ZNF732: variants seen among roughly 807,000 people sequenced by gnomAD.
The protein encoded by ZNF732 is zinc finger protein 732.
ZNF732 carries 12 observed loss-of-function variants against 11.5 expected under a neutral mutation model. The observed-to-expected ratio is 1.05, with a 90% confidence interval of 0.67 to 1.70. ZNF732 has a LOEUF of 1.70. Among genes scored for constraint, ZNF732 ranks in the 40% most tolerant of loss-of-function variants. The pLI is 0.00. For missense variants in ZNF732, 702 were observed against 676.9 expected, an observed-to-expected ratio of 1.04 and a Z score of -0.41; for synonymous variants, 231 against 236.5, an observed-to-expected ratio of 0.98 and a Z score of 0.21.
chr4:285,623 C>A lies in ZNF732; in HGVS notation c.226+9815G>T, dbSNP rs1719715262. Among the ~76,000 whole-genome samples the A allele has an allele frequency of 2.0e-5, 3 of 152,168 alleles. No individual in the cohort carries two copies. The South Asian group carries it at 6.2e-4, about 32-fold the overall frequency. ...CCTTTGAGTACTCAGTCCCCTCTCA[C>A]CCCCGGAGGATACCTAGAATCACAA... On this transcript the variant is annotated intron_variant, in intron 3 of 3. Transcript: ENST00000419098.
chr4:288,459 G>A (rs2108657034), intron 3 of ZNF732, among the ~76,000 whole-genome samples: 1 of 152,316 alleles, frequency 6.6e-6, no homozygotes, highest in Admixed American at 6.5e-5. Context: ...TTTTTCCCAT[G>A]TGGATACAGA....
chr4:289,456 G>A (rs1719796569), intron 3 of ZNF732, among the ~76,000 whole-genome samples: 1 of 152,214 alleles, frequency 6.6e-6, no homozygotes, highest in African/African-American at 2.4e-5. Context: ...TGCTTGAATT[G>A]TTATGTGCCA....
At chr4:294,023 C>T (rs1719897765) in intron 3 of ZNF732, among the ~76,000 whole-genome samples, 1 of 152,096 alleles carries the variant, frequency 6.6e-6, no homozygotes, top group Non-Finnish European at 1.5e-5. Context: ...TTTTTGGAGA[C>T]AGAGTTTTGC....
chr4:284,502 C>T (rs942319340), intron 3 of ZNF732, among the ~76,000 whole-genome samples: 7 of 151,796 alleles, frequency 4.6e-5, no homozygotes, highest in African/African-American at 1.7e-4. Context: ...TCTTAAATAA[C>T]TTGAAAAACA....
At chr4:299,439 ATATATATATATACACATATGTG>A (rs1720047363) in intron 1 of ZNF732, among the ~76,000 whole-genome samples, 4 of 45,830 alleles carry the variant, frequency 8.7e-5, no homozygotes, top group South Asian at 1.4e-3. Context: ...ATATGTGTAT[ATATATATATATACACATATGTG>A]TATATATATA....
intron 3 of ZNF732, among the ~76,000 whole-genome samples, chr4:288,298 T>G (rs545696553): frequency 6.6e-6 from 1 of 152,356 alleles, no homozygotes; most frequent in Admixed American, 6.5e-5. Context: ...TGTTTGATGT[T>G]ATATGTAAGA....
At chr4:305,057 C>T (rs1720202433) in intron 1 of ZNF732, among the ~76,000 whole-genome samples, 2 of 152,224 alleles carry the variant, frequency 1.3e-5, no homozygotes, top group Admixed American at 1.3e-4. Context: ...CGATGAGCTC[C>T]TCCTCACCCC....
chr4:279,261 A>G (rs1342816261), intron 3 of ZNF732, among the ~76,000 whole-genome samples: 1 of 152,048 alleles, frequency 6.6e-6, no homozygotes, highest in African/African-American at 2.4e-5. Context: ...ACACGGTGAA[A>G]CCTTGTCTCT....
At chr4:304,450 C>A (rs1057460501) in intron 1 of ZNF732, among the ~76,000 whole-genome samples, 3 of 152,118 alleles carry the variant, frequency 2.0e-5, no homozygotes, top group African/African-American at 4.8e-5. Flanking sequence ...AGAAAACGTG[C>A]GGAGTTTGCT....
chr4:304,775 G>A lies in ZNF732; in HGVS notation c.3+533C>T, dbSNP rs186050739. Among the ~76,000 whole-genome samples, 115 of 152,362 alleles carry A rather than the reference G, an allele frequency of 7.5e-4. 1 individual carries two copies. Among genetic ancestry groups the A allele is most frequent in the African/African-American group, 2.5e-3 (105 of 41,590 alleles). On this transcript the variant is annotated intron_variant, in intron 1 of 3. Coordinates refer to ENST00000419098, the MANE Select transcript of ZNF732 (RefSeq NM_001137608.3). ...CAGCCACGCGGAGGAGGCGCACAGG[G>A]CAAGGGGACTGGTGGGCAAGTTGGA...
chr4:294,351 C>G (rs1719903102), intron 3 of ZNF732, among the ~76,000 whole-genome samples: 1 of 152,186 alleles, frequency 6.6e-6, no homozygotes, highest in Non-Finnish European at 1.5e-5. Flanking sequence ...TTCCAAGAAT[C>G]TATCAACAAT....
At chr4:296,222 A>G in intron 1 of ZNF732, 67 bp from the exon 2 acceptor site, 1 of 1,573,172 alleles carries the variant, frequency 6.4e-7, no homozygotes. Flanking sequence ...AGTTAAGAGA[A>G]CTAGTTCTGA....
chr4:296,230 T>C, intron 1 of ZNF732, 75 bp from the exon 2 acceptor site: 1 of 1,551,018 alleles, frequency 6.4e-7, no homozygotes, highest in Non-Finnish European at 8.7e-7. Flanking sequence ...GAACTAGTTC[T>C]GACATGTGAC....
chr4:303,864 G>T (rs1312543749), intron 1 of ZNF732, among the ~76,000 whole-genome samples: 1 of 152,144 alleles, frequency 6.6e-6, no homozygotes, highest in Admixed American at 6.6e-5. Context: ...AAAAGCAGAA[G>T]AGAGAAAGGA....
chr4:285,582 G>C (rs560501150), intron 3 of ZNF732, among the ~76,000 whole-genome samples: 3 of 152,248 alleles, frequency 2.0e-5, no homozygotes, highest in South Asian at 4.1e-4. Flanking sequence ...ATAGCAAAAG[G>C]AGTCAGAACT....
chr4:304,205 T>C (rs893183136), intron 1 of ZNF732, among the ~76,000 whole-genome samples: 9 of 152,190 alleles, frequency 5.9e-5, no homozygotes, highest in Non-Finnish European at 8.8e-5. Flanking sequence ...GAATGGCCAG[T>C]GAGCGTCCTC....
rs891228360 is a variant in ZNF732 at position 305,444 on chromosome 4, C to G, written c.-134G>C. 3.8e-6 allele frequency: 5 copies of G among 1,312,960 alleles called. 1 individual carries two copies. In the South Asian group the frequency reaches 5.2e-5, roughly 14 times the overall value. The allele number at this position is 1,312,960 out of a possible 1,614,324, so 81.3% of individuals were successfully genotyped here. A position where few individuals can be genotyped will look rare whatever the true frequency, so the allele number is the denominator to read the frequency against. On this transcript the variant is annotated 5_prime_UTR_variant, in exon 1 of 4. Coordinates refer to ENST00000419098, the MANE Select transcript of ZNF732 (RefSeq NM_001137608.3). ...AGGGGTGAAAGCACGGCCGTGGAGA[C>G]CCTAACCGAGCTCACGCTGGCGCAA...
At position 271,237 on chromosome 4, in the gene ZNF732, T is replaced by TAG; in HGVS notation, c.1619_1620insCT (p.Arg540SerfsTer7). The TAG allele has an allele frequency of 2.6e-6, 4 of 1,565,272 alleles. No individual in the cohort carries two copies. In the African/African-American group the frequency reaches 5.4e-5, roughly 21 times the overall value. On this transcript the variant is annotated frameshift_variant, in exon 4 of 4. Coordinates refer to ENST00000419098, the MANE Select transcript of ZNF732 (RefSeq NM_001137608.3). LOFTEE classifies it low-confidence loss of function (END_TRUNC). ...TATATTTATTCAGGACTCTGGAACG[T>TAG]CTAAATGCTTTGCCACACTCTTCAC...
Position 305,415 on chromosome 4 carries a change from C to T in ZNF732, c.-105G>A, listed in dbSNP as rs573755305. 1,175 of 1,526,298 alleles carry T rather than the reference C, an allele frequency of 7.7e-4. No homozygotes were observed. Among genetic ancestry groups the T allele is most frequent in the Non-Finnish European group, 9.5e-4 (1,059 of 1,117,670 alleles). The allele number at this position is 1,526,298 out of a possible 1,614,324, so 94.5% of individuals were successfully genotyped here. A position where few individuals can be genotyped will look rare whatever the true frequency, so the allele number is the denominator to read the frequency against. On this transcript the variant is annotated 5_prime_UTR_variant, in exon 1 of 4. Transcript: ENST00000419098. ...GCTGTGACCGAATCACCGACGCCTC[C>T]CTGAGGGGTGAAAGCACGGCCGTGG...
Sources: allele counts gnomAD v4.1 joint callset (sites outside exome capture counted in the v4.1 genomes callset), GRCh38; gene constraint gnomAD v4.1.1; transcripts MANE v1.5; gene names NCBI Gene and HGNC (gene_info 2026-07-23, HGNC 2026-07-21).